The following SLIT1 variants were observed in gnomAD, a reference collection of about 807,000 sequenced individuals.
SLIT1 encodes the protein slit guidance ligand 1, also known as slit homolog 1 protein.
A neutral mutation model predicts 186.1 loss-of-function variants in SLIT1; 66 were observed. The ratio of observed to expected loss-of-function variants is 0.35; its 90% confidence interval spans 0.29 to 0.44. SLIT1 has a LOEUF of 0.44. Among genes scored for constraint, SLIT1 ranks in the 20% least tolerant of loss-of-function variants. SLIT1 has a pLI of 1.00. For missense variants in SLIT1, 1,638 were observed against 2,037.4 expected, an observed-to-expected ratio of 0.80 and a Z score of 3.77; for synonymous variants, 761 against 833.8, an observed-to-expected ratio of 0.91 and a Z score of 1.50.
At chr10:97,036,073 A>G (rs1848635944) in intron 22 of SLIT1, among the ~76,000 whole-genome samples, 1 of 152,136 alleles carries the variant, frequency 6.6e-6, no homozygotes, top group Non-Finnish European at 1.5e-5. Context: ...GGGGGCCATG[A>G]CTTCGGGGCC....
intron 25 of SLIT1, 67 bp downstream of exon 25, chr10:97,030,690 G>T: frequency 7.8e-7 from 1 of 1,282,388 alleles, no homozygotes; most frequent in African/African-American, 1.5e-5. Context: ...CAGGAGGTGG[G>T]ATCTTCTCAG....
At chr10:97,166,557 A>AGGAAGGAAGGAAGGAAAGAGAGAG (rs1283710320) in intron 1 of SLIT1, among the ~76,000 whole-genome samples, 14 of 55,218 alleles carry the variant, frequency 2.5e-4, no homozygotes, top group Middle Eastern at 7.7e-3. Context: ...GAAGGAAGGA[A>AGGAAGGAAGGAAGGAAAGAGAGAG]AGAGAGAGAG....
intron 4 of SLIT1, among the ~76,000 whole-genome samples, chr10:97,148,574 C>T (rs1485352670): frequency 6.6e-6 from 1 of 152,190 alleles, no homozygotes; most frequent in Non-Finnish European, 1.5e-5. Flanking sequence ...GCCACCATGC[C>T]TGGCCTAAAA....
intron 1 of SLIT1, among the ~76,000 whole-genome samples, chr10:97,173,494 C>CT (rs71007318): frequency 0.03 from 3,887 of 128,116 alleles, 89 homozygotes; most frequent in East Asian, 0.13. Flanking sequence ...CAGCTCCATC[C>CT]TTTTTTTTTT....
At chr10:97,148,462 T>G in intron 4 of SLIT1, among the ~76,000 whole-genome samples, 1 of 113,626 alleles carries the variant, frequency 8.8e-6, no homozygotes, top group East Asian at 2.6e-4. Flanking sequence ...CTATTTTTTC[T>G]TATTTTTTGT....
chr10:97,098,621 T>C (rs1211995247), intron 4 of SLIT1, among the ~76,000 whole-genome samples: 2 of 152,030 alleles, frequency 1.3e-5, no homozygotes, highest in Non-Finnish European at 2.9e-5. Context: ...TTGAATGCCA[T>C]GTAAGGGAGG....
intron 4 of SLIT1, among the ~76,000 whole-genome samples, chr10:97,127,079 A>G (rs1250310016): frequency 1.3e-5 from 2 of 152,078 alleles, no homozygotes; most frequent in East Asian, 3.9e-4. Flanking sequence ...TCACAAGGGC[A>G]GGAGATCGAG....
At chr10:97,110,437 A>C (rs1417333870) in intron 4 of SLIT1, among the ~76,000 whole-genome samples, 1 of 152,224 alleles carries the variant, frequency 6.6e-6, no homozygotes, top group Admixed American at 6.5e-5. Flanking sequence ...CACCAAAAGG[A>C]AAGTGGGCAA....
chr10:97,140,667 G>A (rs1005924827), intron 4 of SLIT1, among the ~76,000 whole-genome samples: 2 of 152,166 alleles, frequency 1.3e-5, no homozygotes, highest in African/African-American at 2.4e-5. Flanking sequence ...AGACAACTAC[G>A]TGGACTTCAA....
intron 20 of SLIT1, among the ~76,000 whole-genome samples, chr10:97,040,970 C>T (rs1197284752): frequency 1.3e-5 from 2 of 152,170 alleles, no homozygotes; most frequent in Non-Finnish European, 2.9e-5. Context: ...ACTGAATCCT[C>T]AGAACAGCTC....
chr10:97,131,454 C>T (rs1442787178), intron 4 of SLIT1, among the ~76,000 whole-genome samples: 2 of 152,270 alleles, frequency 1.3e-5, no homozygotes, highest in African/African-American at 4.8e-5. Context: ...TACAGGCACA[C>T]AGGCCCATGC....
intron 14 of SLIT1, among the ~76,000 whole-genome samples, 200 bp downstream of exon 14, chr10:97,048,755 G>A (rs563552243): frequency 6.6e-6 from 1 of 152,208 alleles, no homozygotes; most frequent in South Asian, 2.1e-4. Context: ...AGGGAGGCAG[G>A]TAGGTGAACA....
chr10:97,015,391 A>G (rs1180853164), intron 28 of SLIT1, among the ~76,000 whole-genome samples: 1 of 152,244 alleles, frequency 6.6e-6, no homozygotes, highest in Non-Finnish European at 1.5e-5. Context: ...AGCTGATAGA[A>G]CATTAAAAAT....
chr10:97,146,477 C>A (rs958128452), intron 4 of SLIT1, among the ~76,000 whole-genome samples: 1 of 152,172 alleles, frequency 6.6e-6, no homozygotes, highest in Admixed American at 6.6e-5. Flanking sequence ...TCCCTTGACT[C>A]CCTCCTCAAG....
At position 97,004,069 on chromosome 10, in the gene SLIT1, T is replaced by C. The variant is rs770157444; in HGVS notation, c.3864A>G (p.Gly1288=). 5 of 1,605,236 alleles carry C rather than the reference T, an allele frequency of 3.1e-6. No individual in the cohort carries two copies. The Admixed American group carries it at 8.4e-5, about 27-fold the overall frequency. ...GCCCCGCCAGGGCCAGGTCCTCACCTCCCACATAGAGTGGCGCCTCGCTGT... is the reference window on the plus strand; with the variant it reads ...GCCCCGCCAGGGCCAGGTCCTCACCCCCCACATAGAGTGGCGCCTCGCTGT... ...TLNSEAPLYV[G]GMPVDVNSAA... The change falls in exon 34 of 37, where the codon GGA becomes GGG. Residue 1288 remains glycine (G), a splice_region_variant and synonymous_variant. Transcript: ENST00000266058. This position sits in a 1 kb window ranked among gnomAD's most constrained non-coding sequence, Gnocchi z 5.1.
intron 1 of SLIT1, among the ~76,000 whole-genome samples, chr10:97,171,832 A>T (rs1301755743): frequency 1.3e-5 from 2 of 151,534 alleles, no homozygotes; most frequent in East Asian, 3.9e-4. Flanking sequence ...AAAAAAAAAA[A>T]TCTCCTTACC....
At chr10:97,067,426 C>G (rs1344660959) in intron 4 of SLIT1, among the ~76,000 whole-genome samples, 2 of 152,234 alleles carry the variant, frequency 1.3e-5, no homozygotes, top group East Asian at 1.9e-4. Flanking sequence ...CACACTCCCC[C>G]CAGGCCAGCA....
intron 4 of SLIT1, among the ~76,000 whole-genome samples, chr10:97,105,060 C>T (rs950033878): frequency 2.2e-4 from 34 of 152,272 alleles, no homozygotes; most frequent in African/African-American, 7.9e-4. Context: ...TATTTGGCCC[C>T]CTCCATGTGA....
At chr10:97,064,736 G>T (rs1589380047) in intron 6 of SLIT1, 69 bp downstream of exon 6, 1 of 1,172,628 alleles carries the variant, frequency 8.5e-7, no homozygotes, top group African/African-American at 1.5e-5. Flanking sequence ...CGCTGCCTAG[G>T]CTGCGGCACT....
Sources: gnomAD v4.1 joint callset for allele counts (sites outside exome capture counted in the v4.1 genomes callset) on GRCh38, gnomAD v4.1.1 for gene constraint, Gnocchi (gnomAD v3.1) non-coding constraint, MANE v1.5 for transcripts, NCBI Gene and HGNC (gene_info 2026-07-23, HGNC 2026-07-21) for gene names.